Variants in KAZN observed in about 807,000 individuals in gnomAD.
The protein encoded by KAZN is kazrin, periplakin interacting protein.
In KAZN, 40 loss-of-function variants were observed where a neutral mutation model predicts 87.4. The observed-to-expected ratio is 0.46, with a 90% CI of 0.36 to 0.60. KAZN has a LOEUF of 0.60. Ranked by LOEUF, KAZN falls within the 20% of genes least tolerant of loss-of-function variation. KAZN has a pLI of 0.00. For synonymous variants in KAZN, 466 were observed against 458.3 expected (o/e 1.02, Z -0.22); for missense variants, 898 against 1,073.9 (o/e 0.84, Z 2.29).
rs181983726 is a variant in KAZN at position 13,991,649 on chromosome 1, C to G, written c.91+97893C>G. Reference sequence around the variant, plus strand: ...AATTTATAAAAACCATTATGTTTAACTACTGGCTCACAAAATTCTGGAACA... The same window carrying G: ...AATTTATAAAAACCATTATGTTTAAGTACTGGCTCACAAAATTCTGGAACA... On this transcript the variant is annotated intron_variant, in intron 1 of 16. Coordinates refer to the KAZN transcript ENST00000636203. Among the ~76,000 whole-genome samples, 13 of 152,208 alleles carry G rather than the reference C, an allele frequency of 8.5e-5. No homozygotes were observed. The East Asian group carries it at 2.3e-3, about 27-fold the overall frequency.
intron 1 of KAZN, chr1:14,124,276 G>A (rs10429938): frequency 0.55 from 84,027 of 151,980 alleles, 24,322 homozygotes; most frequent in East Asian, 0.75. Flanking sequence ...ATTCTTACAC[G>A]GGGGCTGTGC....
intron 2 of KAZN, among the ~76,000 whole-genome samples, chr1:14,520,408 A>G (rs1304873872): frequency 6.6e-6 from 1 of 152,072 alleles, no homozygotes; most frequent in Non-Finnish European, 1.5e-5. Flanking sequence ...ATGAGAGAGA[A>G]ACAGGCACTG....
At chr1:14,650,027 C>T (rs893559244) in intron 1 of KAZN, among the ~76,000 whole-genome samples, 1 of 135,500 alleles carries the variant, frequency 7.4e-6, no homozygotes, top group Non-Finnish European at 1.6e-5. Context: ...TCCCCCTCCA[C>T]CCATCTTTTT....
At chr1:14,623,113 G>T (rs906568699) in intron 1 of KAZN, among the ~76,000 whole-genome samples, 1 of 151,972 alleles carries the variant, frequency 6.6e-6, no homozygotes, top group African/African-American at 2.4e-5. Context: ...TTATTATTTG[G>T]ATATATTGGT....
At chr1:14,485,637 G>A (rs928149998) in intron 2 of KAZN, among the ~76,000 whole-genome samples, 1 of 152,162 alleles carries the variant, frequency 6.6e-6, no homozygotes, top group Non-Finnish European at 1.5e-5. Context: ...GCTCACACCT[G>A]TAATCCCAGC....
At chr1:14,030,658 A>G (rs1641286225) in intron 1 of KAZN, among the ~76,000 whole-genome samples, 1 of 151,302 alleles carries the variant, frequency 6.6e-6, no homozygotes, top group Non-Finnish European at 1.5e-5. Context: ...ACACACACAC[A>G]CACACACACA....
intron 2 of KAZN, among the ~76,000 whole-genome samples, chr1:14,494,365 C>T (rs1245392346): frequency 6.6e-6 from 1 of 152,180 alleles, no homozygotes; most frequent in Non-Finnish European, 1.5e-5. Context: ...GAGGTTGCTA[C>T]CTGCTCTTAT....
At chr1:14,153,525 A>G (rs1265841284) in intron 1 of KAZN, among the ~76,000 whole-genome samples, 1 of 152,184 alleles carries the variant, frequency 6.6e-6, no homozygotes, top group Non-Finnish European at 1.5e-5. Flanking sequence ...CTGTAATCCC[A>G]GCACTTTGGG....
chr1:14,180,771 A>G (rs1487156883), intron 2 of KAZN, among the ~76,000 whole-genome samples: 2 of 152,320 alleles, frequency 1.3e-5, no homozygotes, highest in African/African-American at 4.8e-5. Context: ...TTTAGTATTA[A>G]AATAGCTTTT....
At chr1:13,920,467 G>A (rs575367623) in intron 1 of KAZN, among the ~76,000 whole-genome samples, 1 of 152,088 alleles carries the variant, frequency 6.6e-6, no homozygotes, top group South Asian at 2.1e-4. Flanking sequence ...GAATCTAACT[G>A]GTGAAGTTGG....
chr1:14,703,836 G>A (rs988817157), intron 1 of KAZN, among the ~76,000 whole-genome samples: 28 of 152,306 alleles, frequency 1.8e-4, no homozygotes, highest in Admixed American at 1.4e-3. Context: ...TTGTGATGGC[G>A]TCGCTGCGCT....
chr1:14,285,056 G>A (rs938788416), intron 2 of KAZN, among the ~76,000 whole-genome samples: 13 of 152,200 alleles, frequency 8.5e-5, no homozygotes, highest in African/African-American at 2.9e-4. Context: ...AAATACTCAA[G>A]CATGTGGTCT....
chr1:14,703,839 G>A (rs1021590226), intron 1 of KAZN, among the ~76,000 whole-genome samples: 10 of 152,292 alleles, frequency 6.6e-5, no homozygotes, highest in East Asian at 1.9e-4. Flanking sequence ...TGATGGCGTC[G>A]CTGCGCTTCA....
chr1:14,077,218 T>G (rs1643496504), intron 1 of KAZN, among the ~76,000 whole-genome samples: 1 of 152,170 alleles, frequency 6.6e-6, no homozygotes, highest in Admixed American at 6.5e-5. Flanking sequence ...TCCCAGGTGT[T>G]CGTTCTGCTA....
intron 2 of KAZN, among the ~76,000 whole-genome samples, chr1:14,247,002 C>G (rs1649577146): frequency 6.6e-6 from 1 of 152,126 alleles, no homozygotes; most frequent in Admixed American, 6.5e-5. Context: ...TTGTTCGGTA[C>G]TATATGAAGC....
intron 1 of KAZN, among the ~76,000 whole-genome samples, chr1:14,815,699 G>A (rs1344480992): frequency 6.6e-6 from 1 of 152,134 alleles, no homozygotes; most frequent in African/African-American, 2.4e-5. Flanking sequence ...ACAAACCTGG[G>A]AACTTACAGA....
chr1:14,302,481 C>G (rs1654621881), intron 2 of KAZN, among the ~76,000 whole-genome samples: 1 of 152,192 alleles, frequency 6.6e-6, no homozygotes, highest in African/African-American at 2.4e-5. Flanking sequence ...GTCAATAACA[C>G]TGAAACAGAC....
At chr1:14,897,592 T>C (rs1299104582) in intron 1 of KAZN, among the ~76,000 whole-genome samples, 1 of 150,846 alleles carries the variant, frequency 6.6e-6, no homozygotes, top group Non-Finnish European at 1.5e-5. Context: ...ATAAATAACA[T>C]ATTTTATGAA....
intron 2 of KAZN, among the ~76,000 whole-genome samples, chr1:14,552,993 A>C (rs979212171): frequency 6.6e-6 from 1 of 152,138 alleles, no homozygotes; most frequent in Non-Finnish European, 1.5e-5. Context: ...GACTCAGCAC[A>C]ATTAGCCGTG....
Sources: allele counts gnomAD v4.1 joint callset (sites outside exome capture counted in the v4.1 genomes callset), GRCh38; gene constraint gnomAD v4.1.1; transcripts MANE v1.5; gene names NCBI Gene and HGNC (gene_info 2026-07-23, HGNC 2026-07-21).